CARMIL1: variants seen among roughly 807,000 people sequenced by gnomAD.
CARMIL1 encodes capping protein regulator and myosin 1 linker 1.
A neutral mutation model predicts 177.1 loss-of-function variants in CARMIL1; 90 were observed. The ratio of observed to expected loss-of-function variants is 0.51; its 90% CI spans 0.43 to 0.61. The LOEUF (loss-of-function observed/expected upper bound fraction) is 0.61. CARMIL1 is among the 20% of genes least tolerant of loss of function. The pLI is 0.00. For synonymous variants in CARMIL1, 577 were observed against 606.2 expected, an observed-to-expected ratio of 0.95 and a Z score of 0.71; for missense variants, 1,380 against 1,667.0, an observed-to-expected ratio of 0.83 and a Z score of 3.00.
At chr6:25,294,305 A>G (rs1365882499) in intron 2 of CARMIL1, among the ~76,000 whole-genome samples, 1 of 152,132 alleles carries the variant, frequency 6.6e-6, no homozygotes, top group Non-Finnish European at 1.5e-5. Flanking sequence ...ATTAGTAGGT[A>G]TATCCACCAG....
rs1028664098 is a variant in CARMIL1, at chr6:25,596,935, A to G, written c.3119+2408A>G. Among the ~76,000 whole-genome samples the G allele has an allele frequency of 3.3e-5, 5 of 151,740 alleles. No individual in the cohort carries two copies. In the South Asian group the frequency reaches 6.3e-4, roughly 19 times the overall value. Reference sequence around the variant, plus strand: ...TGCCCCACTTTCTTTATTTAATTTTATCATAATTGGTGTCTTTGTCTGTTT... The same window carrying G: ...TGCCCCACTTTCTTTATTTAATTTTGTCATAATTGGTGTCTTTGTCTGTTT... On this transcript the variant is annotated intron_variant, in intron 32 of 36. Transcript: ENST00000329474.
rs146536642 is a variant in CARMIL1 at position 25,562,900 on chromosome 6, A to G, written c.2742+6050A>G. ...TGATTCTTATGAGCTTAATTTTGAC[A>G]TGTAATTATCATTATAAAAGGTAAT... On this transcript the variant is annotated intron_variant, in intron 29 of 36. Transcript: ENST00000329474. Among the ~76,000 whole-genome samples the G allele has an allele frequency of 6.2e-4, 94 of 152,356 alleles. 2 individuals carry two copies. In the South Asian group the frequency reaches 8.5e-3, roughly 14 times the overall value.
chr6:25,465,736 G>T (rs911147669), intron 8 of CARMIL1, 137 bp from the exon 9 acceptor site: 23 of 651,032 alleles, frequency 3.5e-5, no homozygotes, highest in Non-Finnish European at 5.0e-5. Context: ...CTTAGTTGTT[G>T]TCTAGTGGCC....
chr6:25,436,615 C>T (rs1797248799), intron 5 of CARMIL1, among the ~76,000 whole-genome samples: 1 of 152,216 alleles, frequency 6.6e-6, no homozygotes, highest in Non-Finnish European at 1.5e-5. Flanking sequence ...CCCTTTCAAG[C>T]TCTTTGGCCT....
At chr6:25,314,769 T>C (rs544191565) in intron 2 of CARMIL1, among the ~76,000 whole-genome samples, 2 of 152,320 alleles carry the variant, frequency 1.3e-5, no homozygotes, top group Non-Finnish European at 2.9e-5. Flanking sequence ...CAGATGGATG[T>C]ACTCTGTATA....
At chr6:25,607,111 G>A (rs1421994923) in intron 35 of CARMIL1, among the ~76,000 whole-genome samples, 1 of 151,516 alleles carries the variant, frequency 6.6e-6, no homozygotes, top group African/African-American at 2.4e-5. Context: ...CCACACCACT[G>A]CACTCCAGCC....
rs1439723591 is a variant in CARMIL1, at chr6:25,581,291, T to C, written c.2858T>C (p.Ile953Thr). ...GCGCTGGAAGAGGTACCAATTCACA[T>C]CGAAGACCCGCCCTTCCCATCCCTC... ...DKALEEVPIH[I>T]EDPPFPSLRQ... Residue 953 changes from isoleucine (I) to threonine (T), a missense_variant, in exon 31 of 37, where the codon ATC becomes ACC. Ile to Thr is a moderately conservative substitution (Grantham distance 89). Transcript: ENST00000329474. 8.1e-6 allele frequency: 13 copies of C among 1,613,850 alleles called. No homozygotes were observed. Among genetic ancestry groups the C allele is most frequent in the Non-Finnish European group, 1.1e-5 (13 of 1,179,886 alleles).
At chr6:25,541,916 C>T (rs777192874) in intron 26 of CARMIL1, among the ~76,000 whole-genome samples, 27 of 152,202 alleles carry the variant, frequency 1.8e-4, no homozygotes, top group Non-Finnish European at 8.8e-5. Context: ...GCCTTTGCCT[C>T]CCAAAGTGCT....
rs946658476 is a variant in CARMIL1, at chr6:25,508,810, A to T, written c.1396-846A>T. 2.0e-5 allele frequency among the ~76,000 whole-genome samples: 3 copies of T among 152,222 alleles called. No individual in the cohort carries two copies. In the East Asian group the frequency reaches 5.8e-4, roughly 29 times the overall value. ...TAAGTTTACAGAGCAAAAGGGCCAC[A>T]GCTTAGGAAACTTTGCATCCTTCAC... is the stretch of plus-strand genomic sequence containing the variant. On this transcript the variant is annotated intron_variant, in intron 17 of 36. Transcript: ENST00000329474.
At chr6:25,402,606 C>T (rs1376871964) in intron 2 of CARMIL1, among the ~76,000 whole-genome samples, 1 of 152,046 alleles carries the variant, frequency 6.6e-6, no homozygotes, top group Non-Finnish European at 1.5e-5. Context: ...ATTTTTTCTT[C>T]TTCTAGAGCT....
intron 29 of CARMIL1, among the ~76,000 whole-genome samples, chr6:25,561,287 A>G (rs1811088366): frequency 6.6e-6 from 1 of 152,236 alleles, no homozygotes; most frequent in Non-Finnish European, 1.5e-5. Context: ...TCTTTAAAAA[A>G]TAGCAGAAGT....
Position 25,600,592 on chromosome 6 carries a change from AAG to A in CARMIL1, c.3403_3404del (p.Gln1136ArgfsTer11). ...GAGATAAAAACACCTGACTCCTTTGAAGAGAGTCAAGGGGAAGAAATAGGGAA... is the reference window on the plus strand; with the variant it reads ...GAGATAAAAACACCTGACTCCTTTGAAGAGTCAAGGGGAAGAAATAGGGAA... On this transcript the variant is annotated frameshift_variant, in exon 33 of 37. Transcript: ENST00000329474. LOFTEE classifies it high-confidence loss of function. 1 of 1,613,972 alleles carries A rather than the reference AAG, an allele frequency of 6.2e-7. No individual in the cohort carries two copies. The highest frequency in any genetic ancestry group is 8.5e-7 in the Non-Finnish European group (1 of 1,179,890).
chr6:25,480,779 G>C lies in CARMIL1; in HGVS notation c.875-1478G>C, dbSNP rs1457611143. Among the ~76,000 whole-genome samples the C allele has an allele frequency of 1.0e-3, 136 of 129,656 alleles. 1 individual carries two copies. Among genetic ancestry groups the C allele is most frequent in the Middle Eastern group, 5.8e-3 (1 of 172 alleles). 85.1% of individuals were successfully genotyped at this position (129,656 alleles called of 152,430 possible). ...GGAGTCTTGCTGTGTTACCCAGGCT[G>C]GCGCGATCTCGGCTCACTGCAATCT... On this transcript the variant is annotated intron_variant, in intron 11 of 36. Coordinates refer to ENST00000329474, the MANE Select transcript of CARMIL1 (RefSeq NM_017640.6).
intron 34 of CARMIL1, 117 bp downstream of exon 34, chr6:25,605,010 G>C: frequency 1.3e-6 from 1 of 760,040 alleles, no homozygotes; most frequent in Non-Finnish European, 2.1e-6. Flanking sequence ...TCTCTTTGTT[G>C]TGTGTTCTCA....
intron 2 of CARMIL1, among the ~76,000 whole-genome samples, chr6:25,413,508 C>T (rs1253084465): frequency 1.3e-5 from 2 of 152,148 alleles, no homozygotes; most frequent in Admixed American, 1.3e-4. Context: ...CTCCATATCT[C>T]CATAAGAAAA....
intron 2 of CARMIL1, among the ~76,000 whole-genome samples, chr6:25,343,341 C>G (rs1381435367): frequency 6.7e-6 from 1 of 148,220 alleles, no homozygotes. Context: ...TTGGACAAGC[C>G]AGTTTTACAA....
At chr6:25,315,550 TTC>T (rs1176872106) in intron 2 of CARMIL1, among the ~76,000 whole-genome samples, 2 of 151,802 alleles carry the variant, frequency 1.3e-5, no homozygotes, top group Admixed American at 1.3e-4. Flanking sequence ...CCTGCTTTTT[TTC>T]TCTCATCTCT....
chr6:25,611,207 G>T (rs1315800389), intron 36 of CARMIL1, among the ~76,000 whole-genome samples: 1 of 152,158 alleles, frequency 6.6e-6, no homozygotes, highest in Non-Finnish European at 1.5e-5. Context: ...AGATTTATTT[G>T]TTGGGTAGAA....
At chr6:25,550,713 G>C (rs1197307019) in intron 26 of CARMIL1, among the ~76,000 whole-genome samples, 197 bp from the exon 27 acceptor site, 1 of 152,116 alleles carries the variant, frequency 6.6e-6, no homozygotes, top group South Asian at 2.1e-4. Context: ...GATTTAAAGT[G>C]ATTACCAGAG....
Sources: gnomAD v4.1 joint callset for allele counts (sites outside exome capture counted in the v4.1 genomes callset) on GRCh38, gnomAD v4.1.1 for gene constraint, MANE v1.5 for transcripts, NCBI Gene and HGNC (gene_info 2026-07-23, HGNC 2026-07-21) for gene names.